PCLO: variants seen among roughly 807,000 people sequenced by gnomAD.
PCLO encodes protein piccolo.
A neutral mutation model predicts 427.5 loss-of-function variants in PCLO; 82 were observed. The observed-to-expected ratio is 0.19, with a 90% confidence interval of 0.16 to 0.23. The LOEUF (loss-of-function observed/expected upper bound fraction) is 0.23, where lower values mean the gene tolerates loss of function less well. PCLO is among the 10% of genes least tolerant of loss of function. The pLI is 1.00. For synonymous variants in PCLO, 2,357 were observed against 2,155.4 expected, an observed-to-expected ratio of 1.09 and a Z score of -2.59; for missense variants, 6,239 against 6,115.9, an observed-to-expected ratio of 1.02 and a Z score of -0.67.
intron 6 of PCLO, among the ~76,000 whole-genome samples, chr7:82,932,983 A>T (rs1253117988): frequency 6.6e-6 from 1 of 151,984 alleles, no homozygotes; most frequent in Admixed American, 6.6e-5. Context: ...TGTTTTTGAC[A>T]GTCCCTTTAT....
Position 82,956,624 on chromosome 7 carries a change from A to G in PCLO, c.4329T>C (p.Pro1443=). ...EKKTQPHEVS[P]EQPKDQEKTQ... ...TTTTCTCTTGGTCTTTAGGCTGTTCAGGAGAAACTTCATGGGGTTGTGTTT... is the reference window on the plus strand; with the variant it reads ...TTTTCTCTTGGTCTTTAGGCTGTTCGGGAGAAACTTCATGGGGTTGTGTTT... Residue 1443 remains proline, a synonymous_variant, in exon 5 of 25, where the codon CCT becomes CCC. Coordinates refer to ENST00000333891, the MANE Select transcript of PCLO (RefSeq NM_033026.6). 8 of 1,613,866 alleles carry G rather than the reference A, an allele frequency of 5.0e-6. No individual in the cohort carries two copies. Among genetic ancestry groups the G allele is most frequent in the Non-Finnish European group, 6.8e-6 (8 of 1,179,852 alleles).
chr7:82,905,656 GTGA>G (rs1445867644), intron 8 of PCLO, among the ~76,000 whole-genome samples: 1 of 151,978 alleles, frequency 6.6e-6, no homozygotes, highest in Non-Finnish European at 1.5e-5. Context: ...GGACACCTGG[GTGA>G]TGATTAGGGT....
At chr7:82,787,067 A>C (rs1791000569) in intron 22 of PCLO, among the ~76,000 whole-genome samples, 1 of 152,172 alleles carries the variant, frequency 6.6e-6, no homozygotes, top group East Asian at 1.9e-4. Context: ...GTGTCTTTAT[A>C]GGAGAATGAT....
At chr7:83,021,727 T>C (rs1375160162) in intron 3 of PCLO, among the ~76,000 whole-genome samples, 1 of 152,138 alleles carries the variant, frequency 6.6e-6, no homozygotes, top group Non-Finnish European at 1.5e-5. Flanking sequence ...GAGTAAAGCG[T>C]CTAATTCTGG....
intron 6 of PCLO, among the ~76,000 whole-genome samples, chr7:82,921,319 TA>T (rs1323729368): frequency 3.3e-5 from 5 of 151,534 alleles, no homozygotes; most frequent in African/African-American, 1.2e-4. Context: ...AAAACAAAGC[TA>T]GGGGCATTAT....
chr7:83,130,015 T>G (rs1791530047), intron 3 of PCLO, among the ~76,000 whole-genome samples: 2 of 152,220 alleles, frequency 1.3e-5, no homozygotes, highest in Admixed American at 1.3e-4. Context: ...TTCCTAATTT[T>G]TTTTTTTTAA....
Position 83,093,492 on chromosome 7 carries a change from A to ATATATT in PCLO, c.3300+40757_3300+40758insAATATA. Among the ~76,000 whole-genome samples, 231 of 59,288 alleles carry ATATATT rather than the reference A, an allele frequency of 3.9e-3. 6 individuals are homozygous for ATATATT. Among genetic ancestry groups the ATATATT allele is most frequent in the South Asian group, 0.013 (22 of 1,646 alleles). 38.9% of individuals were successfully genotyped at this position (59,288 alleles called of 152,430 possible). A position where few individuals can be genotyped will look rare whatever the true frequency, so the allele number is the denominator to read the frequency against. ...TGTGTGTATAGATATATATATATAT[A>ATATATT]TTTTTTTTTTTTTTTTTTGAGATGG... On this transcript the variant is annotated intron_variant, in intron 3 of 24. Transcript: ENST00000333891.
intron 3 of PCLO, among the ~76,000 whole-genome samples, chr7:83,072,874 G>A (rs1789855086): frequency 6.6e-6 from 1 of 151,886 alleles, no homozygotes; most frequent in Admixed American, 6.6e-5. Flanking sequence ...CCATTATCCA[G>A]ACTTGGGAAT....
chr7:83,158,290 T>C (rs1317106536), intron 1 of PCLO, among the ~76,000 whole-genome samples: 1 of 152,096 alleles, frequency 6.6e-6, no homozygotes, highest in Non-Finnish European at 1.5e-5. Context: ...GACTGCTACA[T>C]ATTTCCATTT....
At chr7:83,107,944 G>A (rs1249015621) in intron 3 of PCLO, among the ~76,000 whole-genome samples, 3 of 139,842 alleles carry the variant, frequency 2.1e-5, no homozygotes, top group African/African-American at 8.1e-5. Context: ...AGCCAAGATC[G>A]TGCCACTGCA....
At chr7:83,064,326 T>C (rs1199791010) in intron 3 of PCLO, among the ~76,000 whole-genome samples, 1 of 151,894 alleles carries the variant, frequency 6.6e-6, no homozygotes, top group Admixed American at 6.6e-5. Flanking sequence ...GCAGGAAGAA[T>C]GAATAGACTA....
chr7:82,914,758 G>A lies in PCLO; in HGVS notation c.13228C>T (p.Arg4410Trp), dbSNP rs557404681. Residue 4410 changes from arginine (R) to tryptophan (W), a missense_variant, in exon 7 of 25, where the codon CGG becomes TGG. Coordinates refer to ENST00000333891, the MANE Select transcript of PCLO (RefSeq NM_033026.6). ...ATGTCACGGTCATAGCCTCGAGTCCGTGATTCTTCCCTCATGTGTTGCTGA... is the reference window on the plus strand; with the variant it reads ...ATGTCACGGTCATAGCCTCGAGTCCATGATTCTTCCCTCATGTGTTGCTGA... ...EVQQHMREES[R>W]TRGYDRDIAF... is the part of the protein sequence containing the mutation. 15 of 1,613,236 alleles carry A rather than the reference G, an allele frequency of 9.3e-6. No homozygotes were observed. The highest frequency in any genetic ancestry group is 3.3e-5 in the Admixed American group (2 of 59,898).
chr7:82,987,600 T>TA (rs1796284241), intron 3 of PCLO, among the ~76,000 whole-genome samples: 1 of 152,058 alleles, frequency 6.6e-6, no homozygotes, highest in Admixed American at 6.6e-5. Context: ...TAAATAGTAC[T>TA]AAGTTATGTA....
At chr7:82,991,262 T>C (rs950538317) in intron 3 of PCLO, among the ~76,000 whole-genome samples, 1 of 152,152 alleles carries the variant, frequency 6.6e-6, no homozygotes, top group African/African-American at 2.4e-5. Flanking sequence ...TGAAATGATA[T>C]GCCTTTTATG....
At chr7:82,975,116 T>C (rs1795989439) in intron 3 of PCLO, among the ~76,000 whole-genome samples, 2 of 152,298 alleles carry the variant, frequency 1.3e-5, no homozygotes, top group Admixed American at 6.5e-5. Context: ...TGATTTTGCA[T>C]GTGTGAATAA....
intron 9 of PCLO, among the ~76,000 whole-genome samples, chr7:82,897,645 TC>T (rs1793938458): frequency 6.6e-6 from 1 of 151,452 alleles, no homozygotes. Context: ...TTGTGTTCAC[TC>T]TATTAATCTA....
At chr7:82,978,383 C>A (rs1035556250) in intron 3 of PCLO, among the ~76,000 whole-genome samples, 1 of 151,966 alleles carries the variant, frequency 6.6e-6, no homozygotes, top group Non-Finnish European at 1.5e-5. Flanking sequence ...TTTGGAGAGT[C>A]CATTTTTAAA....
chr7:82,760,474 G>A (rs564330997), intron 24 of PCLO, among the ~76,000 whole-genome samples, 165 bp downstream of exon 24: 136 of 152,004 alleles, frequency 8.9e-4, no homozygotes, highest in African/African-American at 3.2e-3. Context: ...GGGGTGAGTG[G>A]GCTGTGGAAT....
rs562343027 is a variant in PCLO, at chr7:82,910,434, C to T, written c.13301-1421G>A. Among the ~76,000 whole-genome samples, 13 of 152,208 alleles carry T rather than the reference C, an allele frequency of 8.5e-5. No individual in the cohort carries two copies. The East Asian group carries it at 2.5e-3, about 30-fold the overall frequency. ...GAATACAAAATGAGCAACGATGTGTCATGGGTTAAGCAGTCTTAGATTTGA... is the reference window on the plus strand; with the variant it reads ...GAATACAAAATGAGCAACGATGTGTTATGGGTTAAGCAGTCTTAGATTTGA... On this transcript the variant is annotated intron_variant, in intron 7 of 24. Coordinates refer to ENST00000333891, the MANE Select transcript of PCLO (RefSeq NM_033026.6).
Sources: allele counts gnomAD v4.1 joint callset (sites outside exome capture counted in the v4.1 genomes callset), GRCh38; gene constraint gnomAD v4.1.1; transcripts MANE v1.5; gene names NCBI Gene and HGNC (gene_info 2026-07-23, HGNC 2026-07-21).